The following PDE4D variants were observed in gnomAD, a reference collection of about 807,000 sequenced individuals.
PDE4D encodes 3',5'-cyclic-AMP phosphodiesterase 4D.
Under a neutral mutation model 87.4 loss-of-function variants are expected in PDE4D, and 24 were observed. The observed-to-expected ratio is 0.27, with a 90% CI of 0.20 to 0.39. The LOEUF (loss-of-function observed/expected upper bound fraction) is 0.39, where lower values mean the gene tolerates loss of function less well. PDE4D is among the 10% of genes least tolerant of loss of function. PDE4D has a pLI of 1.00. For missense variants in PDE4D, 714 were observed against 1,041.0 expected (o/e 0.69, Z 4.32); for synonymous variants, 384 against 383.2 (o/e 1.00, Z -0.02).
intron 1 of PDE4D, among the ~76,000 whole-genome samples, chr5:60,459,276 T>C (rs1022525601): frequency 6.6e-6 from 1 of 152,160 alleles, no homozygotes; most frequent in Non-Finnish European, 1.5e-5. Flanking sequence ...CTGTTAAATA[T>C]CACAATAAAC....
chr5:60,107,451 C>G (rs1391543215), intron 2 of PDE4D, among the ~76,000 whole-genome samples: 3 of 152,182 alleles, frequency 2.0e-5, no homozygotes, highest in Non-Finnish European at 4.4e-5. Context: ...TGCTACCATT[C>G]CTTCTGAAAC....
chr5:59,881,691 T>A lies in PDE4D; in HGVS notation c.455+11477A>T, dbSNP rs977858762. ...TTCAGTTCAAGCAATGTACAAATAC[T>A]GTGTTTGAATGTGAGAAAAATTGAC... On this transcript the variant is annotated intron_variant, in intron 1 of 14. Transcript: ENST00000340635. Among the ~76,000 whole-genome samples the A allele has an allele frequency of 3.9e-5, 6 of 152,198 alleles. No individual in the cohort carries two copies. In the East Asian group the frequency reaches 1.2e-3, roughly 29 times the overall value.
At chr5:59,260,143 C>A (rs924635328) in intron 1 of PDE4D, among the ~76,000 whole-genome samples, 2 of 151,556 alleles carry the variant, frequency 1.3e-5, no homozygotes, top group African/African-American at 2.4e-5. Context: ...TTCTTTTTCT[C>A]CCCAAGTTGG....
chr5:59,278,019 G>C (rs1765151425), intron 1 of PDE4D, among the ~76,000 whole-genome samples: 1 of 152,036 alleles, frequency 6.6e-6, no homozygotes, highest in African/African-American at 2.4e-5. Flanking sequence ...CAAAGTTTTT[G>C]GATTGGTACA....
chr5:59,842,363 C>T (rs911310738), intron 1 of PDE4D, among the ~76,000 whole-genome samples: 4 of 152,028 alleles, frequency 2.6e-5, no homozygotes, highest in Non-Finnish European at 1.5e-5. Flanking sequence ...TTAGTGTATT[C>T]CATGTGTAGA....
chr5:60,219,361 T>C (rs1744234840), intron 1 of PDE4D, among the ~76,000 whole-genome samples: 1 of 152,192 alleles, frequency 6.6e-6, no homozygotes, highest in African/African-American at 2.4e-5. Context: ...TTATGTTTGT[T>C]TCACTGACAT....
At chr5:60,424,802 A>G (rs1216946459) in intron 1 of PDE4D, among the ~76,000 whole-genome samples, 2 of 152,178 alleles carry the variant, frequency 1.3e-5, no homozygotes, top group Non-Finnish European at 2.9e-5. Flanking sequence ...TCAGCCCAAA[A>G]TCTCCTTAAG....
intron 1 of PDE4D, among the ~76,000 whole-genome samples, chr5:59,859,674 A>G (rs544881673): frequency 1.1e-4 from 17 of 152,302 alleles, no homozygotes; most frequent in Non-Finnish European, 2.4e-4. Flanking sequence ...GAGTGTTAAA[A>G]GGATATGAAT....
At chr5:59,406,229 A>T (rs1180903598) in intron 1 of PDE4D, among the ~76,000 whole-genome samples, 5 of 151,788 alleles carry the variant, frequency 3.3e-5, no homozygotes, top group African/African-American at 9.7e-5. Flanking sequence ...CAGGTTTTGG[A>T]TTTCGTCATG....
intron 1 of PDE4D, among the ~76,000 whole-genome samples, chr5:59,481,233 T>C (rs1050687853): frequency 1.3e-5 from 2 of 152,076 alleles, no homozygotes; most frequent in African/African-American, 4.8e-5. Flanking sequence ...CCCATTGGCA[T>C]GCTAAGACCT....
At position 59,689,474 on chromosome 5, in the gene PDE4D, T is replaced by G. The variant is rs191926291; in HGVS notation, c.455+203694A>C. 2.6e-5 allele frequency among the ~76,000 whole-genome samples: 4 copies of G among 152,262 alleles called. 1 individual carries two copies. The East Asian group carries it at 7.7e-4, about 29-fold the overall frequency. On this transcript the variant is annotated intron_variant, in intron 1 of 14. Transcript: ENST00000340635. ...AACAGAACCAAAGACAAAAGCCACATGATTCTCTCAATAGATGCAGAAAAG... is the reference window on the plus strand; with the variant it reads ...AACAGAACCAAAGACAAAAGCCACAGGATTCTCTCAATAGATGCAGAAAAG...
intron 2 of PDE4D, among the ~76,000 whole-genome samples, chr5:60,176,746 A>C (rs1056430874): frequency 1.3e-5 from 2 of 152,194 alleles, no homozygotes; most frequent in Admixed American, 1.3e-4. Context: ...TTAGTTTGAC[A>C]AAAGACTGGT....
At chr5:59,747,026 C>T (rs1169399496) in intron 1 of PDE4D, among the ~76,000 whole-genome samples, 4 of 152,200 alleles carry the variant, frequency 2.6e-5, no homozygotes, top group African/African-American at 9.7e-5. Context: ...CAAACTCTTA[C>T]ATAACTCATA....
chr5:59,568,832 G>A (rs1821365873), intron 1 of PDE4D, among the ~76,000 whole-genome samples: 1 of 152,010 alleles, frequency 6.6e-6, no homozygotes, highest in African/African-American at 2.4e-5. Flanking sequence ...CCTGAGTGGG[G>A]CCCTGGAATA....
upstream of PDE4D, among the ~76,000 whole-genome samples, chr5:60,492,544 A>G (rs550981606): frequency 6.6e-6 from 1 of 152,334 alleles, no homozygotes; most frequent in East Asian, 1.9e-4. Flanking sequence ...GGTGAATTCC[A>G]TGGAATACTA....
intron 1 of PDE4D, among the ~76,000 whole-genome samples, chr5:60,496,552 C>T (rs1749823006): frequency 1.3e-5 from 2 of 152,012 alleles, no homozygotes; most frequent in African/African-American, 4.8e-5. Flanking sequence ...GGCATAGGAA[C>T]ACAGCTGTTT....
intron 1 of PDE4D, among the ~76,000 whole-genome samples, chr5:59,599,283 G>A (rs938469779): frequency 1.3e-5 from 2 of 149,330 alleles, no homozygotes; most frequent in Non-Finnish European, 1.5e-5. Flanking sequence ...GTGCAATGGC[G>A]CAATCTTGGC....
chr5:60,350,786 G>A (rs1583495144), intron 1 of PDE4D, among the ~76,000 whole-genome samples: 1 of 151,980 alleles, frequency 6.6e-6, no homozygotes, highest in Admixed American at 6.6e-5. Context: ...ATTTTTTATG[G>A]TAATCAAAGG....
chr5:60,355,110 G>A (rs115560488), intron 1 of PDE4D, among the ~76,000 whole-genome samples: 2,818 of 152,050 alleles, frequency 0.019, 73 homozygotes, highest in African/African-American at 0.065. Flanking sequence ...TATTTTTACC[G>A]TAACAGAAAC....
Sources: gnomAD v4.1 joint callset for allele counts (sites outside exome capture counted in the v4.1 genomes callset) on GRCh38, gnomAD v4.1.1 for gene constraint, MANE v1.5 for transcripts, NCBI Gene and HGNC (gene_info 2026-07-23, HGNC 2026-07-21) for gene names.